Variants in UTRN observed in about 807,000 individuals in gnomAD.
UTRN encodes dystrophin-related protein 1.
UTRN carries 283 observed loss-of-function variants against 463.9 expected under a neutral mutation model. The observed-to-expected ratio is 0.61, with a 90% CI of 0.55 to 0.67. The LOEUF (loss-of-function observed/expected upper bound fraction) is 0.67. UTRN is among the 30% of genes least tolerant of loss of function. The pLI is 0.00. For synonymous variants in UTRN, 1,442 were observed against 1,431.5 expected (o/e 1.01, Z -0.17); for missense variants, 3,922 against 4,084.3 (o/e 0.96, Z 1.08).
intron 2 of UTRN, among the ~76,000 whole-genome samples, chr6:144,388,472 C>T (rs1781605227): frequency 7.7e-6 from 1 of 130,450 alleles, no homozygotes; most frequent in Non-Finnish European, 1.6e-5. Context: ...ACCATTCTGC[C>T]TGGCTAATAT....
At chr6:144,398,110 G>A (rs1415750924) in intron 2 of UTRN, 2 of 250,120 alleles carry the variant, frequency 8.0e-6, no homozygotes, top group African/African-American at 2.3e-5. Context: ...TGACTGGGAA[G>A]TAGATGGTTT....
At chr6:144,767,255 A>G (rs1793466124) in intron 58 of UTRN, among the ~76,000 whole-genome samples, 1 of 152,048 alleles carries the variant, frequency 6.6e-6, no homozygotes, top group Non-Finnish European at 1.5e-5. Flanking sequence ...GATTTTCTCC[A>G]GTTGTTTTTA....
intron 2 of UTRN, among the ~76,000 whole-genome samples, chr6:144,308,733 T>C (rs1186774252): frequency 6.6e-6 from 1 of 152,154 alleles, no homozygotes; most frequent in Non-Finnish European, 1.5e-5. Flanking sequence ...CTTTACTTAC[T>C]CAAAGTCACC....
intron 51 of UTRN, among the ~76,000 whole-genome samples, chr6:144,675,001 G>A (rs1299734714): frequency 2.0e-5 from 3 of 152,236 alleles, no homozygotes; most frequent in African/African-American, 7.2e-5. Flanking sequence ...GAAAGGTAAT[G>A]TGATCTTTTG....
chr6:144,299,889 T>C (rs939454905), intron 2 of UTRN, among the ~76,000 whole-genome samples: 5 of 152,150 alleles, frequency 3.3e-5, no homozygotes, highest in Non-Finnish European at 7.3e-5. Context: ...GCCTCCCTGT[T>C]TTTTAATTCT....
In UTRN at chr6:144,314,870, A is replaced by C. The variant is rs189425909; in HGVS notation, c.79+22963A>C. Among the ~76,000 whole-genome samples the C allele has an allele frequency of 9.5e-3, 1,454 of 152,254 alleles. 107 individuals carry two copies. The East Asian group carries it at 0.19, about 20-fold the overall frequency. On this transcript the variant is annotated intron_variant, in intron 2 of 74. Transcript: ENST00000367545. ...TATGGTGACTGCTTTCTCAGTGTCCATTTGGTGCCATTTTACATGTATTGC... is the reference window on the plus strand; with the variant it reads ...TATGGTGACTGCTTTCTCAGTGTCCCTTTGGTGCCATTTTACATGTATTGC...
At chr6:144,299,842 G>A (rs1220612164) in intron 2 of UTRN, among the ~76,000 whole-genome samples, 1 of 152,098 alleles carries the variant, frequency 6.6e-6, no homozygotes, top group African/African-American at 2.4e-5. Flanking sequence ...TTAAGGGGGG[G>A]TGGTTAGAGA....
chr6:144,396,472 G>A (rs926556306), intron 2 of UTRN, among the ~76,000 whole-genome samples: 2 of 152,236 alleles, frequency 1.3e-5, no homozygotes, highest in South Asian at 2.1e-4. Context: ...AACACTGTAG[G>A]TGTAACTAAT....
Position 144,768,968 on chromosome 6 carries a change from T to TGTTTTG in UTRN, c.8496-2939_8496-2938insGTTTTG, listed in dbSNP as rs202174445. 3.3e-5 allele frequency among the ~76,000 whole-genome samples: 5 copies of TGTTTTG among 151,258 alleles called. No homozygotes were observed. In the East Asian group the frequency reaches 5.8e-4, roughly 18 times the overall value. On this transcript the variant is annotated intron_variant, in intron 58 of 74. Coordinates refer to ENST00000367545, the MANE Select transcript of UTRN (RefSeq NM_007124.3). Reference sequence around the variant, plus strand: ...TTTTTGTTTTGTTTTGTTTTTTTTTTTTTAATTTTATTCTTGGATAGATTC... The same window carrying TGTTTTG: ...TTTTTGTTTTGTTTTGTTTTTTTTTTGTTTTGTTTAATTTTATTCTTGGATAGATTC...
At chr6:144,440,632 C>T (rs556337138) in intron 13 of UTRN, among the ~76,000 whole-genome samples, 161 bp downstream of exon 13, 12 of 152,174 alleles carry the variant, frequency 7.9e-5, no homozygotes, top group Non-Finnish European at 1.8e-4. Flanking sequence ...AGTGTGTGGG[C>T]TACAGGAGTA....
chr6:144,487,522 A>ATTT (rs531671443), intron 28 of UTRN, 26 bp from the exon 29 acceptor site: 1 of 1,549,236 alleles, frequency 6.5e-7, no homozygotes, highest in African/African-American at 1.4e-5. Context: ...ATGCATTATT[A>ATTT]TTTTTTTTTC....
At chr6:144,509,666 A>T (rs1795012379) in intron 34 of UTRN, among the ~76,000 whole-genome samples, 1 of 152,134 alleles carries the variant, frequency 6.6e-6, no homozygotes, top group Admixed American at 6.5e-5. Flanking sequence ...ATTTCACCAC[A>T]TTTTAATGTA....
At chr6:144,722,209 A>G (rs528492366) in intron 53 of UTRN, among the ~76,000 whole-genome samples, 24 of 152,168 alleles carry the variant, frequency 1.6e-4, no homozygotes, top group African/African-American at 3.6e-4. Flanking sequence ...GAGAGCACCA[A>G]TCTCTAAGCT....
intron 29 of UTRN, 57 bp from the exon 30 acceptor site, chr6:144,488,616 A>ATG: frequency 2.6e-6 from 4 of 1,568,056 alleles, no homozygotes; most frequent in Admixed American, 3.6e-5. Flanking sequence ...GAATATATAT[A>ATG]TTCTGCTATT....
chr6:144,781,961 A>G lies in UTRN; in HGVS notation c.8672A>G (p.Lys2891Arg), dbSNP rs139828108. 3.4e-5 allele frequency: 55 copies of G among 1,614,042 alleles called. No homozygotes were observed. The African/African-American group carries it at 4.5e-4, about 13-fold the overall frequency. The change falls in exon 61 of 75, where the codon AAA becomes AGA. Residue 2891 changes from lysine (K) to arginine (R), a missense_variant. Transcript: ENST00000367545. Reference protein sequence around the residue: ...LELSTTNEIFKQHKLNQNDQL... With the variant: ...LELSTTNEIFRQHKLNQNDQL... ...TTGAGTACAACAAATGAAATTTTCA[A>G]ACAGCACAAGTTGAACCAAAATGAC...
intron 2 of UTRN, among the ~76,000 whole-genome samples, chr6:144,385,300 A>G (rs1035448952): frequency 6.6e-6 from 1 of 152,206 alleles, no homozygotes; most frequent in Non-Finnish European, 1.5e-5. Flanking sequence ...CTGGTCTCCT[A>G]CTTAAATGAT....
chr6:144,488,392 A>G (rs1281470496), intron 29 of UTRN, among the ~76,000 whole-genome samples: 1 of 152,146 alleles, frequency 6.6e-6, no homozygotes, highest in East Asian at 1.9e-4. Context: ...TAAATAACAC[A>G]TTTTTATCTT....
chr6:144,388,586 C>T (rs1015352817), intron 2 of UTRN, among the ~76,000 whole-genome samples: 2 of 151,986 alleles, frequency 1.3e-5, no homozygotes, highest in African/African-American at 4.8e-5. Flanking sequence ...CAGCCTCCAC[C>T]TCCCCAGATT....
rs1786051180 is a variant in UTRN at position 144,713,866 on chromosome 6, G to A, written c.7809+13623G>A. ...ACCCGGGAGGAGGAGGTTGCGGTGA[G>A]CCGAGATCGCGCCATTGCACTCCAG... On this transcript the variant is annotated intron_variant, in intron 53 of 74. Coordinates refer to ENST00000367545, the MANE Select transcript of UTRN (RefSeq NM_007124.3). Among the ~76,000 whole-genome samples the A allele has an allele frequency of 2.0e-5, 3 of 149,426 alleles. No homozygotes were observed. The South Asian group carries it at 6.3e-4, about 31-fold the overall frequency.
Sources: allele counts gnomAD v4.1 joint callset (sites outside exome capture counted in the v4.1 genomes callset), GRCh38; gene constraint gnomAD v4.1.1; transcripts MANE v1.5; gene names NCBI Gene and HGNC (gene_info 2026-07-23, HGNC 2026-07-21).